Variants in KCNN2 observed in about 807,000 individuals in gnomAD.
KCNN2 encodes the protein potassium calcium-activated channel subfamily N member 2.
A neutral mutation model predicts 55.5 loss-of-function variants in KCNN2; 24 were observed. That is an observed-to-expected ratio of 0.43 (90% CI 0.31 to 0.61). The LOEUF is 0.61. KCNN2 is among the 20% of genes least tolerant of loss of function. The probability of loss-of-function intolerance (pLI) is 0.08; values close to 1 mark genes in which losing one functional copy is unlikely to be tolerated. For synonymous variants in KCNN2, 431 were observed against 336.1 expected, an observed-to-expected ratio of 1.28 and a Z score of -3.09; for missense variants, 754 against 853.6, an observed-to-expected ratio of 0.88 and a Z score of 1.45.
At chr5:114,272,140 T>C (rs1755350523) in intron 2 of KCNN2, among the ~76,000 whole-genome samples, 1 of 151,948 alleles carries the variant, frequency 6.6e-6, no homozygotes, top group African/African-American at 2.4e-5. Context: ...CCTCAAAGAG[T>C]AGCATCCTCT....
intron 2 of KCNN2, among the ~76,000 whole-genome samples, chr5:114,230,282 TCTTTC>T (rs1754331679): frequency 8.4e-6 from 1 of 118,434 alleles, no homozygotes; most frequent in African/African-American, 3.3e-5. Flanking sequence ...TTTTTTTCTT[TCTTTC>T]TTTTTTTTAT....
intron 1 of KCNN2, among the ~76,000 whole-genome samples, chr5:114,180,052 T>G (rs2112552239): frequency 6.6e-6 from 1 of 152,326 alleles, no homozygotes; most frequent in South Asian, 2.1e-4. Context: ...GCCATATGTC[T>G]TTTCCCTGAA....
At chr5:114,103,804 A>C (rs997920708) in intron 1 of KCNN2, among the ~76,000 whole-genome samples, 3 of 152,100 alleles carry the variant, frequency 2.0e-5, no homozygotes, top group East Asian at 1.9e-4. Flanking sequence ...GAGCTTTTTA[A>C]TGTGCTGCTG....
intron 2 of KCNN2, among the ~76,000 whole-genome samples, chr5:114,396,815 G>C (rs1166768745): frequency 2.6e-5 from 4 of 152,044 alleles, no homozygotes; most frequent in African/African-American, 7.2e-5. Context: ...AAAGTGCTGG[G>C]GTTACAGGCG....
chr5:114,472,555 G>A (rs1761794841), intron 4 of KCNN2, among the ~76,000 whole-genome samples: 1 of 152,156 alleles, frequency 6.6e-6, no homozygotes, highest in Non-Finnish European at 1.5e-5. Flanking sequence ...GAACACTGAA[G>A]CAGTGTATAT....
intron 2 of KCNN2, among the ~76,000 whole-genome samples, chr5:114,373,182 T>C (rs1222215814): frequency 6.6e-6 from 1 of 152,116 alleles, no homozygotes; most frequent in Non-Finnish European, 1.5e-5. Flanking sequence ...GCCAGGTTCA[T>C]TGAGTACTGT....
At chr5:114,446,601 GC>G (rs1166906422) in intron 3 of KCNN2, among the ~76,000 whole-genome samples, 1 of 152,086 alleles carries the variant, frequency 6.6e-6, no homozygotes, top group East Asian at 2.0e-4. Context: ...GGAATTACAG[GC>G]ATGCACCTCT....
At chr5:114,224,058 A>G (rs1006628200) in intron 2 of KCNN2, among the ~76,000 whole-genome samples, 1 of 152,206 alleles carries the variant, frequency 6.6e-6, no homozygotes, top group African/African-American at 2.4e-5. Context: ...GCCTAGAGGG[A>G]AAGTATTCTT....
At chr5:114,134,354 A>G (rs10074978) in intron 1 of KCNN2, among the ~76,000 whole-genome samples, 3 of 151,394 alleles carry the variant, frequency 2.0e-5, no homozygotes, top group Non-Finnish European at 4.4e-5. Context: ...TCTGGTAAGT[A>G]TAAGGGTCTA....
chr5:114,496,128 C>G lies in KCNN2; in HGVS notation c.2322C>G (p.Ser774=), dbSNP rs750871284. 3.7e-6 allele frequency: 6 copies of G among 1,613,896 alleles called. No homozygotes were observed. The highest frequency in any genetic ancestry group is 5.1e-6 in the Non-Finnish European group (6 of 1,179,986). The change falls in exon 8 of 8, where the codon TCC becomes TCG. Residue 774 remains serine (S), a synonymous_variant. Transcript: ENST00000673685. ...TYNAERSRSS[S]RRRRSSSTAP... ...ATGCTGAGCGGTCCCGGTCCTCGTCCAGGAGGCGGCGGTCCTCTTCCACAG... is the reference window on the plus strand; with the variant it reads ...ATGCTGAGCGGTCCCGGTCCTCGTCGAGGAGGCGGCGGTCCTCTTCCACAG...
At chr5:114,144,444 C>A (rs1392793614) in intron 1 of KCNN2, among the ~76,000 whole-genome samples, 1 of 152,086 alleles carries the variant, frequency 6.6e-6, no homozygotes, top group Non-Finnish European at 1.5e-5. Context: ...ACCGTAGCAG[C>A]AATCAAGCCC....
At position 114,364,088 on chromosome 5, in the gene KCNN2, C is replaced by G. The variant is rs10061028; in HGVS notation, c.1218+87C>G. On this transcript the variant is annotated intron_variant, in intron 2 of 7. Transcript: ENST00000673685. ...AAGGCAGCAGAGGCTTTTTTCAAGC[C>G]ATCATGTCCTTGCTTGAGGTTACAG... The G allele has an allele frequency of 3.0e-3, 2,779 of 928,298 alleles. 49 individuals are homozygous for G. In the African/African-American group the frequency reaches 0.038, roughly 13 times the overall value. The allele number at this position is 928,298 out of a possible 1,614,324, so 57.5% of individuals were successfully genotyped here.
At chr5:114,150,336 T>G (rs61159637) in intron 1 of KCNN2, among the ~76,000 whole-genome samples, 4,072 of 152,096 alleles carry the variant, frequency 0.027, 179 homozygotes, top group African/African-American at 0.093. Context: ...TCCTCAGAAA[T>G]AATACCACAC....
intron 2 of KCNN2, among the ~76,000 whole-genome samples, chr5:114,394,413 T>C (rs887218626): frequency 5.3e-5 from 8 of 152,216 alleles, no homozygotes; most frequent in Admixed American, 6.5e-5. Context: ...GTGAACGTTT[T>C]CCCATGGTTT....
intron 1 of KCNN2, among the ~76,000 whole-genome samples, chr5:114,181,047 C>T (rs1426215261): frequency 2.0e-5 from 3 of 152,120 alleles, no homozygotes; most frequent in Admixed American, 6.5e-5. Flanking sequence ...GCTACCTTGG[C>T]TGTTTCCATT....
At position 114,456,436 on chromosome 5, in the gene KCNN2, T is replaced by C. The variant is rs547944532; in HGVS notation, c.1638-6613T>C. On this transcript the variant is annotated intron_variant, in intron 3 of 7. Transcript: ENST00000673685. ...CTTCTCTGAAATTATTACTGATCAC[T>C]GACAATGCACTTGGTCACCCAAGAT... 3.9e-5 allele frequency among the ~76,000 whole-genome samples: 6 copies of C among 152,330 alleles called. 1 individual carries two copies. The South Asian group carries it at 1.2e-3, about 32-fold the overall frequency.
At chr5:114,202,656 G>A (rs939044137) in intron 1 of KCNN2, among the ~76,000 whole-genome samples, 1 of 143,446 alleles carries the variant, frequency 7.0e-6, no homozygotes, top group Non-Finnish European at 1.5e-5. Flanking sequence ...GCGCGATCTC[G>A]GCTCACTGCA....
chr5:114,284,118 CA>C (rs1319308079), intron 2 of KCNN2, among the ~76,000 whole-genome samples: 1 of 152,156 alleles, frequency 6.6e-6, no homozygotes, highest in Non-Finnish European at 1.5e-5. Context: ...GCTTTTTCTA[CA>C]AAGGCAATTA....
At chr5:114,298,001 G>T (rs1445428141) in intron 2 of KCNN2, among the ~76,000 whole-genome samples, 1 of 152,086 alleles carries the variant, frequency 6.6e-6, no homozygotes, top group Non-Finnish European at 1.5e-5. Context: ...GGAAATGATG[G>T]ACTGTAAAAT....
Sources: allele counts gnomAD v4.1 joint callset (sites outside exome capture counted in the v4.1 genomes callset), GRCh38; gene constraint gnomAD v4.1.1; transcripts MANE v1.5; gene names NCBI Gene and HGNC (gene_info 2026-07-23, HGNC 2026-07-21).